The following DISC1 variants were observed in gnomAD, a reference collection of about 807,000 sequenced individuals.
DISC1 encodes the protein DISC1 scaffold protein.
In DISC1, 57 loss-of-function variants were observed where a neutral mutation model predicts 84.5. That is an observed-to-expected ratio of 0.67 (90% CI 0.55 to 0.84). The LOEUF is 0.84. Ranked by LOEUF, DISC1 falls within the 40% of genes least tolerant of loss-of-function variation. DISC1 has a pLI of 0.00. For synonymous variants in DISC1, 411 were observed against 415.2 expected (o/e 0.99, Z 0.12); for missense variants, 1,000 against 1,057.8 (o/e 0.95, Z 0.76).
rs1052416742 is a variant in DISC1 at position 232,031,239 on chromosome 1, G to GAGGA, written c.2425+4700_2425+4703dup. Among the ~76,000 whole-genome samples the GAGGA allele has an allele frequency of 4.8e-5, 7 of 147,160 alleles. No individual in the cohort carries two copies. The South Asian group carries it at 8.8e-4, about 18-fold the overall frequency. On this transcript the variant is annotated intron_variant, in intron 12 of 12. Coordinates refer to ENST00000439617, the MANE Select transcript of DISC1 (RefSeq NM_018662.3). The surrounding 1 kb of genome is among the most constrained non-coding windows in gnomAD (Gnocchi z 4.6). ...GAAGGGAGAAAGAGAGAGAGAAAGAGAGGAAGGAAGGAAGGAGAAAGAAAG... is the reference window on the plus strand; with the variant it reads ...GAAGGGAGAAAGAGAGAGAGAAAGAGAGGAAGGAAGGAAGGAAGGAGAAAGAAAG...
At chr1:231,827,270 G>A (rs1404346839) in intron 9 of DISC1, among the ~76,000 whole-genome samples, 2 of 152,160 alleles carry the variant, frequency 1.3e-5, no homozygotes. Flanking sequence ...ACAGGCATGA[G>A]CCACTGCGCC....
At chr1:231,805,013 A>G (rs1037992421) in intron 8 of DISC1, among the ~76,000 whole-genome samples, 3 of 152,232 alleles carry the variant, frequency 2.0e-5, no homozygotes, top group African/African-American at 7.2e-5. Context: ...AGTATAGGAA[A>G]TCTACTACAG....
intron 1 of DISC1, among the ~76,000 whole-genome samples, chr1:231,692,577 G>A (rs924956674): frequency 6.6e-6 from 1 of 152,200 alleles, no homozygotes; most frequent in African/African-American, 2.4e-5. Context: ...GTCTGTTCTG[G>A]GAAGCAAAGC....
intron 10 of DISC1, among the ~76,000 whole-genome samples, chr1:232,006,685 G>C (rs1443812341): frequency 6.6e-6 from 1 of 152,170 alleles, no homozygotes; most frequent in Non-Finnish European, 1.5e-5. Context: ...ACAGCCTGAT[G>C]ATACAGTAGA....
chr1:232,036,446 C>T (rs1167278464), intron 12 of DISC1, among the ~76,000 whole-genome samples: 2 of 152,186 alleles, frequency 1.3e-5, no homozygotes, highest in African/African-American at 4.8e-5. Context: ...CTGACTCTTC[C>T]ATTTCCTTTT....
chr1:231,800,177 G>C lies in DISC1; in HGVS notation c.1759G>C (p.Ala587Pro). The C allele has an allele frequency of 1.2e-6, 2 of 1,612,052 alleles. No individual in the cohort carries two copies. Among genetic ancestry groups the C allele is most frequent in the Non-Finnish European group, 8.5e-7 (1 of 1,179,708 alleles). Residue 587 changes from alanine to proline, a missense_variant, in exon 8 of 13, where the codon GCC becomes CCC. By Grantham distance (27) the Ala-to-Pro change is conservative. Transcript: ENST00000439617. Reference protein sequence around the residue: ...KVNDIETQLPALLEAKMHAIS... With the variant: ...KVNDIETQLPPLLEAKMHAIS... ...TAACGATATTGAAACCCAACTACCA[G>C]CCTTGCTTGAAGCCAAAATGCATGC...
chr1:231,665,389 A>G (rs958162105), intron 1 of DISC1, among the ~76,000 whole-genome samples: 1 of 152,240 alleles, frequency 6.6e-6, no homozygotes, highest in Non-Finnish European at 1.5e-5. Context: ...TGATGCTGGA[A>G]GTGCTCCCAA....
intron 1 of DISC1, among the ~76,000 whole-genome samples, chr1:231,633,469 G>A (rs2058916522): frequency 6.6e-6 from 1 of 152,152 alleles, no homozygotes; most frequent in Admixed American, 6.5e-5. Flanking sequence ...TTGTCCTGCA[G>A]GATTGGGATT....
At chr1:231,697,606 A>ATTTT (rs113034860) in intron 2 of DISC1, among the ~76,000 whole-genome samples, 2 of 127,978 alleles carry the variant, frequency 1.6e-5, no homozygotes, top group Admixed American at 1.6e-4. Context: ...TGCCTGGCTA[A>ATTTT]TTTTTTTTTT....
chr1:231,668,495 A>G (rs2062238053), intron 1 of DISC1, among the ~76,000 whole-genome samples: 1 of 152,164 alleles, frequency 6.6e-6, no homozygotes, highest in Non-Finnish European at 1.5e-5. Flanking sequence ...GTGGTCCAAG[A>G]GATGATTTTC....
At chr1:231,949,962 C>T (rs1658024737) in intron 9 of DISC1, among the ~76,000 whole-genome samples, 1 of 152,086 alleles carries the variant, frequency 6.6e-6, no homozygotes, top group South Asian at 2.1e-4. Context: ...TCTCCCAGCC[C>T]CAGTCTCCTT....
chr1:231,675,884 T>G lies in DISC1; in HGVS notation c.68-17942T>G, dbSNP rs530420407. Among the ~76,000 whole-genome samples the G allele has an allele frequency of 4.0e-5, 6 of 150,566 alleles. No homozygotes were observed. The South Asian group carries it at 1.3e-3, about 32-fold the overall frequency. On this transcript the variant is annotated intron_variant, in intron 1 of 12. Transcript: ENST00000439617. This position sits in a 1 kb window ranked among gnomAD's most constrained non-coding sequence, Gnocchi z 4.1. ...TTTTTTTTTGACACAGAATTCCCAC[T>G]GTCGCCCAGGCTGGAATGCAATGAT... is the stretch of plus-strand genomic sequence containing the variant.
intron 3 of DISC1, among the ~76,000 whole-genome samples, chr1:231,711,416 G>C (rs1441122814): frequency 1.3e-5 from 2 of 148,824 alleles, no homozygotes; most frequent in Admixed American, 1.3e-4. Flanking sequence ...GTGGAGTGCG[G>C]TGGCGTGATC....
chr1:232,012,522 G>A (rs1282935258), intron 11 of DISC1, among the ~76,000 whole-genome samples: 1 of 152,170 alleles, frequency 6.6e-6, no homozygotes, highest in Non-Finnish European at 1.5e-5. Flanking sequence ...GCAGCTCTGG[G>A]TTGGTTTTGC....
intron 9 of DISC1, among the ~76,000 whole-genome samples, chr1:231,886,720 A>C (rs1362809531): frequency 2.0e-5 from 3 of 152,174 alleles, no homozygotes; most frequent in South Asian, 4.1e-4. Context: ...TAAGCAAAAC[A>C]GAACAGACCT....
intron 10 of DISC1, among the ~76,000 whole-genome samples, chr1:232,001,457 G>A (rs951551700): frequency 2.6e-5 from 4 of 152,148 alleles, no homozygotes; most frequent in African/African-American, 4.8e-5. Context: ...TAAAATATTG[G>A]TGCCAGTTGA....
Position 231,905,563 on chromosome 1 carries a change from A to C in DISC1, c.1982-53265A>C, listed in dbSNP as rs187642118. On this transcript the variant is annotated intron_variant, in intron 9 of 12. Coordinates refer to ENST00000439617, the MANE Select transcript of DISC1 (RefSeq NM_018662.3). ...CTTGAGCCTGGGATGATGAAGTTGC[A>C]GTGAGCCATGATTGTGTCACTGCAT... Among the ~76,000 whole-genome samples, 20 of 152,114 alleles carry C rather than the reference A, an allele frequency of 1.3e-4. No homozygotes were observed. The East Asian group carries it at 3.3e-3, about 25-fold the overall frequency.
At chr1:231,941,961 C>A (rs1308759558) in intron 9 of DISC1, among the ~76,000 whole-genome samples, 2 of 142,418 alleles carry the variant, frequency 1.4e-5, no homozygotes, top group Non-Finnish European at 3.1e-5. Flanking sequence ...AAGCAAGCTG[C>A]CCCCACAGGG....
chr1:231,814,960 ATAATAATAATAATAATAATAT>A (rs1226213869), intron 8 of DISC1: 1 of 147,458 alleles, frequency 6.8e-6, no homozygotes, highest in Non-Finnish European at 1.5e-5. Context: ...AATAATAATA[ATAATAATAATAATAATAATAT>A]AAGATATAAC....
Sources: allele counts gnomAD v4.1 joint callset (sites outside exome capture counted in the v4.1 genomes callset), GRCh38; gene constraint gnomAD v4.1.1; non-coding constraint Gnocchi (gnomAD v3.1); transcripts MANE v1.5; gene names NCBI Gene and HGNC (gene_info 2026-07-23, HGNC 2026-07-21).